Variants in MOV10L1 observed in about 807,000 individuals in gnomAD.
MOV10L1 encodes Mov10 like RNA helicase 1.
A neutral mutation model predicts 143.8 loss-of-function variants in MOV10L1; 110 were observed. That is an observed-to-expected ratio of 0.76 (90% CI 0.66 to 0.90). The LOEUF is 0.90. Among genes scored for constraint, MOV10L1 ranks in the 40% least tolerant of loss-of-function variants. The pLI is 0.00. For synonymous variants in MOV10L1, 593 were observed against 581.1 expected, an observed-to-expected ratio of 1.02 and a Z score of -0.29; for missense variants, 1,406 against 1,526.8, an observed-to-expected ratio of 0.92 and a Z score of 1.32.
intron 19 of MOV10L1, among the ~76,000 whole-genome samples, chr22:50,148,388 C>G (rs1446860384): frequency 6.6e-6 from 1 of 152,196 alleles, no homozygotes; most frequent in Non-Finnish European, 1.5e-5. Flanking sequence ...ATGTGCCGAG[C>G]GAGCTCCTGC....
At chr22:50,127,225 C>A (rs1006084024) in intron 12 of MOV10L1, among the ~76,000 whole-genome samples, 3 of 152,150 alleles carry the variant, frequency 2.0e-5, no homozygotes, top group Non-Finnish European at 2.9e-5. Flanking sequence ...TCCAAAGAAG[C>A]AGAGCCAGAG....
intron 8 of MOV10L1, among the ~76,000 whole-genome samples, chr22:50,115,960 G>A (rs2062161783): frequency 2.0e-5 from 3 of 152,138 alleles, no homozygotes; most frequent in South Asian, 2.1e-4. Flanking sequence ...TGAGCCCTTC[G>A]CTCTCCCTGG....
In MOV10L1 at chr22:50,114,407, T is replaced by TA; in HGVS notation, c.912dup (p.Val305SerfsTer4). The TA allele has an allele frequency of 6.2e-7, 1 of 1,614,200 alleles. No homozygotes were observed. The highest frequency in any genetic ancestry group is 8.5e-7 in the Non-Finnish European group (1 of 1,180,024). ...AATAAAGGAGACATTCCTCAAAACT[T>TA]AGTCAGCTGTAAACTGGCTGGCTGG... On this transcript the variant is annotated frameshift_variant, in exon 7 of 27. Coordinates refer to ENST00000262794, the MANE Select transcript of MOV10L1 (RefSeq NM_018995.3). LOFTEE classifies it high-confidence loss of function.
intron 11 of MOV10L1, 78 bp downstream of exon 11, chr22:50,125,647 C>A: frequency 7.2e-7 from 1 of 1,392,710 alleles, no homozygotes; most frequent in Non-Finnish European, 9.8e-7. Flanking sequence ...CTTTAACTGG[C>A]AATATGACAG....
intron 24 of MOV10L1, among the ~76,000 whole-genome samples, 183 bp from the exon 25 acceptor site, chr22:50,160,505 G>A (rs906926791): frequency 1.3e-5 from 2 of 151,550 alleles, no homozygotes; most frequent in East Asian, 1.9e-4. Context: ...CTCCCGCCTC[G>A]GCCTCCCAAA....
intron 19 of MOV10L1, among the ~76,000 whole-genome samples, chr22:50,148,771 C>T (rs1034037913): frequency 7.2e-5 from 11 of 151,932 alleles, no homozygotes; most frequent in African/African-American, 2.7e-4. Flanking sequence ...TCACGCCATT[C>T]TCCTGCCTCA....
At chr22:50,144,802 C>T (rs572426842) in intron 18 of MOV10L1, among the ~76,000 whole-genome samples, 11 of 151,988 alleles carry the variant, frequency 7.2e-5, no homozygotes, top group South Asian at 2.1e-4. Context: ...AGGATGGTCT[C>T]GATCTCCTGA....
intron 13 of MOV10L1, among the ~76,000 whole-genome samples, chr22:50,132,371 A>C (rs1195803661): frequency 1.3e-5 from 2 of 152,108 alleles, no homozygotes; most frequent in African/African-American, 4.8e-5. Flanking sequence ...ATTACATTGA[A>C]CCTATGGGTC....
At chr22:50,106,348 T>TTTA (rs2061866224) in intron 3 of MOV10L1, among the ~76,000 whole-genome samples, 2 of 149,028 alleles carry the variant, frequency 1.3e-5, no homozygotes, top group African/African-American at 2.5e-5. Context: ...TTTTTTTTTT[T>TTTA]AGAGATGGGA....
chr22:50,149,998 G>A (rs530219629), intron 20 of MOV10L1, among the ~76,000 whole-genome samples: 1 of 152,342 alleles, frequency 6.6e-6, no homozygotes, highest in Admixed American at 6.5e-5. Flanking sequence ...GGGTGAGCCG[G>A]CCGTTCAGTG....
chr22:50,157,926 T>TTCTG (rs2063468090), intron 22 of MOV10L1, 131 bp from the exon 23 acceptor site: 4 of 1,109,278 alleles, frequency 3.6e-6, no homozygotes, highest in Non-Finnish European at 5.2e-6. Context: ...CACATGTAAG[T>TTCTG]TCTGCACGAG....
chr22:50,154,693 C>T (rs913183090), intron 22 of MOV10L1, among the ~76,000 whole-genome samples: 1 of 152,178 alleles, frequency 6.6e-6, no homozygotes, highest in Non-Finnish European at 1.5e-5. Context: ...CCCTCGTTCT[C>T]GTCGTGCTCC....
chr22:50,092,469 A>C (rs2062475407), intron 2 of MOV10L1, among the ~76,000 whole-genome samples: 1 of 148,622 alleles, frequency 6.7e-6, no homozygotes, highest in African/African-American at 2.5e-5. Flanking sequence ...TCGTGTCTAC[A>C]AAAAAAAAAC....
intron 3 of MOV10L1, among the ~76,000 whole-genome samples, chr22:50,103,202 G>T (rs2061789474): frequency 6.6e-6 from 1 of 152,232 alleles, no homozygotes; most frequent in Admixed American, 6.5e-5. Flanking sequence ...AGCGTGCTGG[G>T]GCACGTGACT....
At chr22:50,104,388 A>T (rs984523297) in intron 3 of MOV10L1, among the ~76,000 whole-genome samples, 1 of 152,194 alleles carries the variant, frequency 6.6e-6, no homozygotes, top group African/African-American at 2.4e-5. Context: ...AAATTGGCAC[A>T]GGGGTCAGGG....
At chr22:50,128,536 A>G (rs1260834970) in intron 13 of MOV10L1, 29 bp downstream of exon 13, 1 of 964,866 alleles carries the variant, frequency 1.0e-6, no homozygotes, top group Admixed American at 2.4e-5. Flanking sequence ...CTTCTTTCAA[A>G]TGTCTTTTTT....
intron 5 of MOV10L1, among the ~76,000 whole-genome samples, chr22:50,109,314 C>T (rs1300218704): frequency 1.3e-5 from 2 of 151,950 alleles, no homozygotes. Context: ...TGCCTGAGCC[C>T]AGGAATTTGA....
intron 10 of MOV10L1, 25 bp downstream of exon 10, chr22:50,120,641 G>A (rs370064172): frequency 4.7e-6 from 7 of 1,505,000 alleles, no homozygotes; most frequent in Middle Eastern, 1.7e-4. Context: ...ATGGCCTGTG[G>A]GGTGTTGGCA....
chr22:50,100,912 G>A (rs1053970312), intron 3 of MOV10L1, among the ~76,000 whole-genome samples: 2 of 152,186 alleles, frequency 1.3e-5, no homozygotes, highest in African/African-American at 4.8e-5. Context: ...ACTCAGCAGC[G>A]GTTTACTCTA....
Sources: gnomAD v4.1 joint callset for allele counts (sites outside exome capture counted in the v4.1 genomes callset) on GRCh38, gnomAD v4.1.1 for gene constraint, MANE v1.5 for transcripts, NCBI Gene and HGNC (gene_info 2026-07-23, HGNC 2026-07-21) for gene names.